The following BBS9 variants were observed in gnomAD, a reference collection of about 807,000 sequenced individuals.
BBS9 encodes protein PTHB1.
A neutral mutation model predicts 117.7 loss-of-function variants in BBS9; 89 were observed. The observed-to-expected ratio is 0.76, with a 90% confidence interval of 0.64 to 0.90. BBS9 has a LOEUF of 0.90. Ranked by LOEUF, BBS9 falls within the 40% of genes least tolerant of loss-of-function variation. The probability of loss-of-function intolerance (pLI) is 0.00; values close to 1 mark genes in which losing one functional copy is unlikely to be tolerated. For synonymous variants in BBS9, 379 were observed against 370.9 expected (o/e 1.02, Z -0.25); for missense variants, 982 against 1,042.2 (o/e 0.94, Z 0.80).
chr7:33,449,327 C>T (rs774686082), intron 19 of BBS9, among the ~76,000 whole-genome samples: 28 of 152,186 alleles, frequency 1.8e-4, no homozygotes, highest in Non-Finnish European at 3.4e-4. Flanking sequence ...GACAATACAT[C>T]ACTAACAGAA....
chr7:33,222,381 G>A (rs78463754), intron 5 of BBS9, among the ~76,000 whole-genome samples: 2,396 of 152,262 alleles, frequency 0.016, 28 homozygotes, highest in South Asian at 0.04. Flanking sequence ...GGTAAGGATC[G>A]TTGGCCCTGA....
chr7:33,240,743 G>C (rs1794364321), intron 5 of BBS9, among the ~76,000 whole-genome samples: 2 of 152,132 alleles, frequency 1.3e-5, no homozygotes, highest in Admixed American at 1.3e-4. Context: ...CAGGAACACA[G>C]TATATCTTAT....
chr7:33,525,266 G>T (rs1190649142), intron 20 of BBS9, among the ~76,000 whole-genome samples: 1 of 143,662 alleles, frequency 7.0e-6, no homozygotes, highest in South Asian at 2.4e-4. Context: ...TATTAGGTCC[G>T]CTTGGTGCAG....
At chr7:33,328,364 C>G (rs1813272698) in intron 9 of BBS9, among the ~76,000 whole-genome samples, 1 of 152,208 alleles carries the variant, frequency 6.6e-6, no homozygotes, top group Non-Finnish European at 1.5e-5. Context: ...TACAGCAAGC[C>G]TCATGTCTTC....
rs200176192 is a variant in BBS9 at position 33,597,075 on chromosome 7, A to T, written c.2522-7790A>T. ...CTCTCTCTCTCTCTCTCTGTCACAC[A>T]CACACACACACACACACACACACAC... is the stretch of plus-strand genomic sequence containing the variant. On this transcript the variant is annotated intron_variant, in intron 21 of 22. Transcript: ENST00000242067. Among the ~76,000 whole-genome samples, 68 of 109,374 alleles carry T rather than the reference A, an allele frequency of 6.2e-4. No individual in the cohort carries two copies. In the East Asian group the frequency reaches 0.016, roughly 26 times the overall value. 71.8% of individuals were successfully genotyped at this position (109,374 alleles called of 152,430 possible).
At chr7:33,283,805 G>A (rs968860290) in intron 9 of BBS9, among the ~76,000 whole-genome samples, 1 of 152,136 alleles carries the variant, frequency 6.6e-6, no homozygotes, top group Non-Finnish European at 1.5e-5. Flanking sequence ...ATTGTGTGGG[G>A]AGTTTTGAGG....
At chr7:33,496,169 T>G (rs915591229) in intron 19 of BBS9, among the ~76,000 whole-genome samples, 5 of 152,160 alleles carry the variant, frequency 3.3e-5, no homozygotes, top group African/African-American at 1.2e-4. Context: ...GGGTACACTT[T>G]TGCAGTTGCC....
chr7:33,469,439 G>C (rs2128950685), intron 19 of BBS9, among the ~76,000 whole-genome samples: 1 of 152,200 alleles, frequency 6.6e-6, no homozygotes, highest in South Asian at 2.1e-4. Flanking sequence ...CTAAATATCT[G>C]TGGAATATAC....
At chr7:33,463,666 T>C (rs1168312395) in intron 19 of BBS9, among the ~76,000 whole-genome samples, 2 of 152,098 alleles carry the variant, frequency 1.3e-5, no homozygotes, top group Non-Finnish European at 2.9e-5. Flanking sequence ...AGCAACCAGA[T>C]TGTAAACAAA....
chr7:33,387,416 C>G (rs1408737791), intron 18 of BBS9, among the ~76,000 whole-genome samples: 1 of 151,942 alleles, frequency 6.6e-6, no homozygotes, highest in East Asian at 1.9e-4. Context: ...ATGACTTTGT[C>G]TCTGTAGTTA....
chr7:33,312,210 ATGT>A lies in BBS9; in HGVS notation c.1017-24229_1017-24227del, dbSNP rs145739589. ...GGTTTCACAAGATTAACATTTTATA[ATGT>A]TCTTTTCTGTGTTATGACTGAATTT... On this transcript the variant is annotated intron_variant, in intron 9 of 22. Coordinates refer to ENST00000242067, the MANE Select transcript of BBS9 (RefSeq NM_198428.3). 0.018 allele frequency among the ~76,000 whole-genome samples: 2,720 copies of A among 152,196 alleles called. 214 individuals are homozygous for A. The East Asian group carries it at 0.27, about 15-fold the overall frequency.
At chr7:33,156,647 T>C (rs10269937) in intron 4 of BBS9, among the ~76,000 whole-genome samples, 24,626 of 152,198 alleles carry the variant, frequency 0.16, 2,134 homozygotes, top group South Asian at 0.21. Flanking sequence ...TGGTATATGG[T>C]AGACATCCAG....
At chr7:33,311,178 A>G (rs956276286) in intron 9 of BBS9, among the ~76,000 whole-genome samples, 5 of 152,180 alleles carry the variant, frequency 3.3e-5, no homozygotes, top group African/African-American at 1.2e-4. Context: ...GGGGCATGGA[A>G]GATGACCACT....
chr7:33,525,910 C>T (rs907352618), intron 20 of BBS9, among the ~76,000 whole-genome samples: 15 of 151,632 alleles, frequency 9.9e-5, no homozygotes, highest in South Asian at 2.1e-4. Context: ...CCATGTTTAG[C>T]GCTTCCTTCC....
chr7:33,172,702 A>T (rs1407958530), intron 4 of BBS9, among the ~76,000 whole-genome samples: 1 of 152,236 alleles, frequency 6.6e-6, no homozygotes, highest in East Asian at 1.9e-4. Context: ...TCATTGCCCT[A>T]AGCAATTGTT....
chr7:33,303,360 AT>A (rs1384992497), intron 9 of BBS9, among the ~76,000 whole-genome samples: 1 of 151,988 alleles, frequency 6.6e-6, no homozygotes, highest in Non-Finnish European at 1.5e-5. Flanking sequence ...AGAAAAGTCA[AT>A]TTTTCCCTAT....
intron 19 of BBS9, among the ~76,000 whole-genome samples, chr7:33,486,500 A>C (rs984920922): frequency 6.6e-6 from 1 of 152,238 alleles, no homozygotes; most frequent in Non-Finnish European, 1.5e-5. Flanking sequence ...GATCCTGTTA[A>C]GAATTACTCT....
At position 33,542,244 on chromosome 7, in the gene BBS9, C is replaced by A. The variant is rs532988210; in HGVS notation, c.2521+8068C>A. ...GGATTACAGGCGTGTGCCACCATGC[C>A]CGGCTAATTTTTGTATTTTTAGTAG... On this transcript the variant is annotated intron_variant, in intron 21 of 22. Transcript: ENST00000242067. 4.3e-3 allele frequency among the ~76,000 whole-genome samples: 658 copies of A among 152,102 alleles called. 3 individuals are homozygous for A. Among genetic ancestry groups the A allele is most frequent in the Non-Finnish European group, 7.4e-3 (504 of 67,978 alleles).
At chr7:33,540,859 G>A (rs1382925227) in intron 21 of BBS9, among the ~76,000 whole-genome samples, 2 of 152,146 alleles carry the variant, frequency 1.3e-5, no homozygotes, top group Non-Finnish European at 2.9e-5. Flanking sequence ...CTTGAGCATA[G>A]GCCAAGTCAT....
Sources: gnomAD v4.1 joint callset for allele counts (sites outside exome capture counted in the v4.1 genomes callset) on GRCh38, gnomAD v4.1.1 for gene constraint, MANE v1.5 for transcripts, NCBI Gene and HGNC (gene_info 2026-07-23, HGNC 2026-07-21) for gene names.